The following RTTN variants were observed in gnomAD, a reference collection of about 807,000 sequenced individuals.
RTTN encodes the protein rotatin.
RTTN carries 182 observed loss-of-function variants against 269.2 expected under a neutral mutation model. The ratio of observed to expected loss-of-function variants is 0.68; its 90% CI spans 0.60 to 0.76. The LOEUF is 0.76. Ranked by LOEUF, RTTN falls within the 30% of genes least tolerant of loss-of-function variation. The pLI is 0.00. For missense variants in RTTN, 2,545 were observed against 2,608.6 expected (o/e 0.98, Z 0.53); for synonymous variants, 1,006 against 963.5 (o/e 1.04, Z -0.82).
chr18:70,081,801 C>T (rs979794301), intron 32 of RTTN, among the ~76,000 whole-genome samples: 1 of 151,476 alleles, frequency 6.6e-6, no homozygotes, highest in African/African-American at 2.4e-5. Flanking sequence ...CTATTAAAAA[C>T]AGCAGTGGGA....
chr18:70,074,042 T>G, intron 33 of RTTN, 48 bp from the exon 34 acceptor site: 2 of 1,268,738 alleles, frequency 1.6e-6, no homozygotes, highest in Non-Finnish European at 2.3e-6. Context: ...CTAGGAACTG[T>G]AACAATTAAT....
chr18:70,190,750 T>A, intron 8 of RTTN, 31 bp from the exon 9 acceptor site: 1 of 1,514,064 alleles, frequency 6.6e-7, no homozygotes, highest in African/African-American at 1.4e-5. Flanking sequence ...AAACCTTGCA[T>A]ACAGAAACAA....
In RTTN at chr18:70,057,815, A is replaced by C; in HGVS notation, c.4958T>G (p.Leu1653Arg). The C allele has an allele frequency of 6.2e-7, 1 of 1,613,578 alleles. No individual in the cohort carries two copies. The highest frequency in any genetic ancestry group is 1.3e-5 in the African/African-American group (1 of 75,042). The change falls in exon 37 of 49, where the codon CTC (leucine) becomes CGC (arginine). Residue 1653 changes from leucine (L) to arginine (R), a missense_variant. Physicochemically the swap from Leu to Arg is moderately radical, Grantham distance 102. Coordinates refer to ENST00000640769, the MANE Select transcript of RTTN (RefSeq NM_173630.4). ...ELLCSIADAT[L>R]IQTCVQELRA... is the part of the protein sequence containing the mutation. ...GAGTTCCTGGACACATGTCTGTATG[A>C]GGGTAGCATCTGCAATGCTGTGACG...
intron 35 of RTTN, 31 bp downstream of exon 35, chr18:70,065,798 T>G (rs750887305): frequency 2.8e-6 from 4 of 1,433,922 alleles, no homozygotes; most frequent in Non-Finnish European, 3.8e-6. Context: ...TTTTTCTTTT[T>G]GAAGGTAGAA....
rs768022353 is a variant in RTTN, at chr18:70,166,125, C to T, written c.1866G>A (p.Met622Ile). The T allele has an allele frequency of 5.0e-6, 8 of 1,613,642 alleles. No homozygotes were observed. The highest frequency in any genetic ancestry group is 1.3e-5 in the African/African-American group (1 of 74,902). ...TCACTCGTGGCAATGGGTGAGACAA[C>T]ATATGGAGAAGCACCTTCTGACTTT... ...QGESQKVLLH[M>I]LSHPLPRVKA... is the part of the protein sequence containing the mutation. The change falls in exon 14 of 49, where the codon ATG (methionine) becomes ATA (isoleucine). Residue 622 changes from methionine (M) to isoleucine (I), a missense_variant. Coordinates refer to ENST00000640769, the MANE Select transcript of RTTN (RefSeq NM_173630.4).
At chr18:70,080,146 A>T (rs925512208) in intron 32 of RTTN, among the ~76,000 whole-genome samples, 20 of 152,266 alleles carry the variant, frequency 1.3e-4, no homozygotes, top group Admixed American at 1.2e-3. Flanking sequence ...CATATTAATC[A>T]TATCAAATAT....
chr18:70,137,612 C>T (rs1290651371), intron 21 of RTTN, among the ~76,000 whole-genome samples: 5 of 152,106 alleles, frequency 3.3e-5, no homozygotes, highest in African/African-American at 7.2e-5. Context: ...CAGCCAGCTC[C>T]ATCTCAAACA....
intron 11 of RTTN, among the ~76,000 whole-genome samples, chr18:70,176,200 GATGTATATGTATATGTATATGTAT>G (rs71816542): frequency 0.02 from 2,781 of 137,652 alleles, 80 homozygotes; most frequent in African/African-American, 0.074. Flanking sequence ...TGTAGATGTA[GATGTATATGTATATGTATATGTAT>G]ATGTATATGT....
At chr18:70,028,285 C>A (rs1347814886) in intron 43 of RTTN, among the ~76,000 whole-genome samples, 1 of 152,064 alleles carries the variant, frequency 6.6e-6, no homozygotes, top group Non-Finnish European at 1.5e-5. Flanking sequence ...CTAGAAGAAA[C>A]TTCCTCTCGG....
intron 28 of RTTN, among the ~76,000 whole-genome samples, chr18:70,093,762 C>CT (rs1316988994): frequency 1.3e-5 from 2 of 152,038 alleles, no homozygotes; most frequent in African/African-American, 4.8e-5. Flanking sequence ...CTGAAATTTT[C>CT]TTTTTTTGTT....
chr18:70,080,281 G>T (rs184887924), intron 32 of RTTN, among the ~76,000 whole-genome samples: 1 of 152,064 alleles, frequency 6.6e-6, no homozygotes, highest in Non-Finnish European at 1.5e-5. Flanking sequence ...CATCTAGAAC[G>T]CAGATCTTGG....
chr18:70,015,651 CAA>C lies in RTTN; in HGVS notation c.6421+1754_6421+1755del, dbSNP rs140346402. Among the ~76,000 whole-genome samples the C allele has an allele frequency of 5.0e-3, 756 of 152,218 alleles. 8 individuals are homozygous for C. The highest frequency in any genetic ancestry group is 0.017 in the African/African-American group (709 of 41,514). On this transcript the variant is annotated intron_variant, in intron 46 of 48. Transcript: ENST00000640769. ...CTGTGGGCTAGGGGAAGCTTCTCAC[CAA>C]AGTTTATCCATCTGCTTTAAGCTAA...
At chr18:70,149,325 C>T (rs532225777) in intron 16 of RTTN, among the ~76,000 whole-genome samples, 5 of 152,044 alleles carry the variant, frequency 3.3e-5, no homozygotes, top group East Asian at 1.9e-4. Context: ...CACCTCCCCT[C>T]GGTGAAGCAC....
chr18:70,168,837 A>G lies in RTTN; in HGVS notation c.1689+18T>C. 4.5e-6 allele frequency: 7 copies of G among 1,559,534 alleles called. No individual in the cohort carries two copies. The highest frequency in any genetic ancestry group is 6.1e-6 in the Non-Finnish European group (7 of 1,145,758). ...TATGTCAAAGGGATTTAAAAGAGAT[A>G]TTAAAAAAGCTTTTTACCTCTTTCC... On this transcript the variant is annotated intron_variant, in intron 12 of 48. Coordinates refer to ENST00000640769, the MANE Select transcript of RTTN (RefSeq NM_173630.4).
chr18:70,156,144 C>T (rs912772272), intron 14 of RTTN, among the ~76,000 whole-genome samples: 2 of 152,118 alleles, frequency 1.3e-5, no homozygotes, highest in East Asian at 1.9e-4. Flanking sequence ...GCCGGTGAGC[C>T]GGGTGGAACA....
intron 10 of RTTN, among the ~76,000 whole-genome samples, chr18:70,184,353 A>C (rs561064912): frequency 6.6e-6 from 1 of 152,266 alleles, no homozygotes; most frequent in East Asian, 1.9e-4. Flanking sequence ...CAGGAGTTCG[A>C]GACCAGCCTG....
At chr18:70,072,349 T>G (rs1349496258) in intron 34 of RTTN, among the ~76,000 whole-genome samples, 6 of 152,118 alleles carry the variant, frequency 3.9e-5, no homozygotes, top group Non-Finnish European at 2.9e-5. Context: ...AAGATTCCAT[T>G]GGTATATATT....
chr18:70,016,675 C>T (rs963546505), intron 46 of RTTN, among the ~76,000 whole-genome samples: 4 of 152,168 alleles, frequency 2.6e-5, no homozygotes, highest in Non-Finnish European at 4.4e-5. Context: ...ATCCTCGCCT[C>T]CATCTGTCCT....
At chr18:70,114,947 G>GT (rs1285992398) in intron 26 of RTTN, among the ~76,000 whole-genome samples, 1 of 151,752 alleles carries the variant, frequency 6.6e-6, no homozygotes, top group African/African-American at 2.4e-5. Flanking sequence ...TCACAAACCC[G>GT]TATCAAGTGA....
Sources: gnomAD v4.1 joint callset for allele counts (sites outside exome capture counted in the v4.1 genomes callset) on GRCh38, gnomAD v4.1.1 for gene constraint, MANE v1.5 for transcripts, NCBI Gene and HGNC (gene_info 2026-07-23, HGNC 2026-07-21) for gene names.